Variants in CORO7 observed in about 807,000 individuals in gnomAD.
CORO7 encodes the protein coronin-7.
CORO7 carries 107 observed loss-of-function variants against 126.6 expected under a neutral mutation model. That is an observed-to-expected ratio of 0.85 (90% CI 0.72 to 0.99). CORO7 has a LOEUF of 0.99. Among genes scored for constraint, CORO7 ranks in the 50% least tolerant of loss-of-function variants. The probability of loss-of-function intolerance (pLI) is 0.00; values close to 1 mark genes in which losing one functional copy is unlikely to be tolerated. For synonymous variants in CORO7, 603 were observed against 536.8 expected, an observed-to-expected ratio of 1.12 and a Z score of -1.70; for missense variants, 1,314 against 1,255.8, an observed-to-expected ratio of 1.05 and a Z score of -0.70.
intron 26 of CORO7, chr16:4,356,673 T>C (rs1332117144): frequency 6.0e-6 from 1 of 166,300 alleles, no homozygotes; most frequent in East Asian, 1.8e-4. Flanking sequence ...GCTCAAGCAA[T>C]CCGCCTGCCT....
intron 1 of CORO7, chr16:4,414,535 T>C (rs1276187330): frequency 6.6e-6 from 1 of 152,246 alleles, no homozygotes; most frequent in Non-Finnish European, 1.5e-5. Context: ...TATATCAGTG[T>C]TCACCTGCCA....
At chr16:4,381,286 C>G in intron 9 of CORO7, 1 of 1,612,404 alleles carries the variant, frequency 6.2e-7, no homozygotes, top group Non-Finnish European at 8.5e-7. Flanking sequence ...GAACCGCATC[C>G]GCCACATCCA....
At chr16:4,355,198 G>T (rs1239945731) in intron 27 of CORO7, 35 bp from the exon 28 acceptor site, 2 of 1,573,360 alleles carry the variant, frequency 1.3e-6, no homozygotes, top group Non-Finnish European at 1.7e-6. Flanking sequence ...GAGGGAGTCA[G>T]GAGGGCCTGG....
chr16:4,402,269 T>C (rs1413993582), intron 6 of CORO7, among the ~76,000 whole-genome samples: 1 of 137,864 alleles, frequency 7.3e-6, no homozygotes, highest in Non-Finnish European at 1.6e-5. Flanking sequence ...GTTGTTGTTT[T>C]TTAAGAGAGA....
chr16:4,407,428 C>T (rs1290456944), intron 5 of CORO7, 73 bp downstream of exon 5: 4 of 1,502,174 alleles, frequency 2.7e-6, no homozygotes, highest in African/African-American at 1.4e-5. Context: ...TGTGACTAAA[C>T]ATGCCAACAA....
intron 1 of CORO7, chr16:4,415,951 G>C: frequency 1.1e-6 from 1 of 948,438 alleles, no homozygotes; most frequent in Non-Finnish European, 1.3e-6. Flanking sequence ...ACCCGAGGGA[G>C]GGGCGCGTGC....
intron 6 of CORO7, among the ~76,000 whole-genome samples, chr16:4,405,230 G>C (rs1472753633): frequency 6.6e-6 from 1 of 152,246 alleles, no homozygotes; most frequent in African/African-American, 2.4e-5. Flanking sequence ...AGAGGAGGCT[G>C]CCTGAGGGTG....
At chr16:4,404,945 AC>A (rs1180555819) in intron 6 of CORO7, among the ~76,000 whole-genome samples, 1 of 152,048 alleles carries the variant, frequency 6.6e-6, no homozygotes, top group Non-Finnish European at 1.5e-5. Flanking sequence ...GGCAACAGGC[AC>A]AACCCTTACT....
At chr16:4,360,875 GCCCCAC>G (rs2054154243) in intron 19 of CORO7, 62 bp downstream of exon 19, 3 of 342,040 alleles carry the variant, frequency 8.8e-6, no homozygotes, top group Non-Finnish European at 1.4e-5. Flanking sequence ...CTCACTGCTG[GCCCCAC>G]CTCTCCACAC....
At chr16:4,402,594 G>A (rs1767390950) in intron 6 of CORO7, among the ~76,000 whole-genome samples, 1 of 152,182 alleles carries the variant, frequency 6.6e-6, no homozygotes, top group African/African-American at 2.4e-5. Context: ...CCACCCCTGG[G>A]CAGGGCTGGG....
rs1016057848 is a variant in CORO7 at position 4,391,759 on chromosome 16, G to A, written c.616-3128C>T. Among the ~76,000 whole-genome samples the A allele has an allele frequency of 5.9e-5, 9 of 152,308 alleles. No individual in the cohort carries two copies. The East Asian group carries it at 1.4e-3, about 23-fold the overall frequency. On this transcript the variant is annotated intron_variant, in intron 7 of 27. Transcript: ENST00000251166. ...CCTCAGCAAGCCTCAGAGAAGAGCC[G>A]TCTCCCCAGCTCCTCATTCTCCTGC...
At chr16:4,363,895 T>TGGCTAAGTAG (rs1268922617) in intron 14 of CORO7, among the ~76,000 whole-genome samples, 1 of 152,072 alleles carries the variant, frequency 6.6e-6, no homozygotes, top group Non-Finnish European at 1.5e-5. Context: ...GGCGGGTGCC[T>TGGCTAAGTAG]GTAATCTCAC....
In CORO7 at chr16:4,365,424, CTT is replaced by C. The variant is rs1362690525; in HGVS notation, c.840+65_840+66del. 87 of 1,547,084 alleles carry C rather than the reference CTT, an allele frequency of 5.6e-5. 1 individual carries two copies. In the East Asian group the frequency reaches 2.0e-3, roughly 36 times the overall value. ...GGCCCTGTTCGAGTTCCTCCTCTCT[CTT>C]GGGGAAGGCCAGGGGCTGGACTCCA... On this transcript the variant is annotated intron_variant, in intron 10 of 27. Transcript: ENST00000251166.
At chr16:4,360,628 A>C (rs2054136368) in intron 19 of CORO7, 80 bp from the exon 20 acceptor site, 4 of 1,477,556 alleles carry the variant, frequency 2.7e-6, no homozygotes, top group Non-Finnish European at 3.6e-6. Context: ...GCCCCTCCTC[A>C]CTGCTGGCGC....
At chr16:4,380,517 G>C (rs2054919744) in intron 9 of CORO7, among the ~76,000 whole-genome samples, 1 of 152,242 alleles carries the variant, frequency 6.6e-6, no homozygotes, top group African/African-American at 2.4e-5. Flanking sequence ...GCCGCTCCAA[G>C]TCCCACCATT....
intron 14 of CORO7, among the ~76,000 whole-genome samples, chr16:4,363,899 A>G (rs538454431): frequency 1.2e-4 from 18 of 152,102 alleles, no homozygotes; most frequent in Admixed American, 2.6e-4. Context: ...GGTGCCTGTA[A>G]TCTCACCTAC....
At position 4,416,429 on chromosome 16, in the gene CORO7, G is replaced by A. The variant is rs7196717; in HGVS notation, c.60+30C>T. 5.9e-3 allele frequency: 9,166 copies of A among 1,547,712 alleles called. 512 individuals are homozygous for A. In the African/African-American group the frequency reaches 0.12, roughly 20 times the overall value. On this transcript the variant is annotated intron_variant, in intron 1 of 27. Transcript: ENST00000251166. Reference sequence around the variant, plus strand: ...GGGGCAGCCGGACGGGGCCCGAGGCGACAGCGCCCGGTCCTCGGGCCGGAC... The same window carrying A: ...GGGGCAGCCGGACGGGGCCCGAGGCAACAGCGCCCGGTCCTCGGGCCGGAC...
chr16:4,373,314 C>A (rs113417205), intron 9 of CORO7, among the ~76,000 whole-genome samples: 1,835 of 152,150 alleles, frequency 0.012, 36 homozygotes, highest in African/African-American at 0.042. Flanking sequence ...AGGGAGGATG[C>A]GCACACACAT....
intron 10 of CORO7, 88 bp downstream of exon 10, chr16:4,365,403 C>G: frequency 1.3e-6 from 2 of 1,526,780 alleles, no homozygotes; most frequent in Middle Eastern, 3.4e-4. Flanking sequence ...CACAGAGGCC[C>G]TGTTCGAGTT....
Sources: gnomAD v4.1 joint callset for allele counts (sites outside exome capture counted in the v4.1 genomes callset) on GRCh38, gnomAD v4.1.1 for gene constraint, MANE v1.5 for transcripts, NCBI Gene and HGNC (gene_info 2026-07-23, HGNC 2026-07-21) for gene names.